Variants in UNC13C observed in about 807,000 individuals in gnomAD.
UNC13C encodes the protein unc-13 homolog C, also known as protein unc-13 homolog C.
A neutral mutation model predicts 245.4 loss-of-function variants in UNC13C; 174 were observed. The ratio of observed to expected loss-of-function variants is 0.71; its 90% confidence interval spans 0.63 to 0.80. UNC13C has a LOEUF of 0.80. Among genes scored for constraint, UNC13C ranks in the 30% least tolerant of loss-of-function variants. The pLI, the probability that UNC13C is intolerant of heterozygous loss-of-function variation, is 0.00. For synonymous variants in UNC13C, 992 were observed against 895.1 expected (o/e 1.11, Z -1.93); for missense variants, 2,829 against 2,602.9 (o/e 1.09, Z -1.89).
intron 2 of UNC13C, among the ~76,000 whole-genome samples, chr15:54,035,599 C>A (rs958728719): frequency 2.0e-5 from 3 of 152,100 alleles, no homozygotes; most frequent in African/African-American, 7.2e-5. Flanking sequence ...ATGCATGCAC[C>A]TTTGTCACTG....
intron 24 of UNC13C, among the ~76,000 whole-genome samples, chr15:54,518,275 T>C (rs1245173671): frequency 6.6e-6 from 1 of 152,008 alleles, no homozygotes; most frequent in Admixed American, 6.6e-5. Context: ...GCTGAGGAGG[T>C]TGAAAGGTTT....
In UNC13C at chr15:54,626,850, C is replaced by A. The variant is rs1439686586; in HGVS notation, c.6382C>A (p.Pro2128Thr). Residue 2128 changes from proline (P) to threonine (T), a missense_variant, in exon 33 of 33, where the codon CCA becomes ACA. By Grantham distance (38) the Pro-to-Thr change is conservative (BLOSUM62 -1). Transcript: ENST00000260323. ...FQFILGKENRPGAYELHLSVK... is the reference protein window; with the variant it reads ...FQFILGKENRTGAYELHLSVK... ...CAGCATTCTCGGAAAGGAAAATCGACCAGGGGCTTATGAACTTCATCTCTC... is the reference window on the plus strand; with the variant it reads ...CAGCATTCTCGGAAAGGAAAATCGAACAGGGGCTTATGAACTTCATCTCTC... 1.2e-6 allele frequency: 2 copies of A among 1,612,164 alleles called. No homozygotes were observed. The highest frequency in any genetic ancestry group is 2.7e-5 in the African/African-American group (2 of 74,826).
chr15:53,975,863 A>G (rs1027879736), upstream of UNC13C, among the ~76,000 whole-genome samples: 37 of 152,196 alleles, frequency 2.4e-4, no homozygotes, highest in African/African-American at 8.7e-4. Context: ...CCAACCATCT[A>G]TAAGTTTTGA....
At chr15:54,127,903 C>CTAGA (rs1374673614) in intron 2 of UNC13C, among the ~76,000 whole-genome samples, 5 of 151,118 alleles carry the variant, frequency 3.3e-5, no homozygotes, top group African/African-American at 1.2e-4. Flanking sequence ...TCAACATGTA[C>CTAGA]TAGAAGTCCT....
chr15:54,360,026 C>T (rs1301410707), intron 17 of UNC13C, among the ~76,000 whole-genome samples: 3 of 151,852 alleles, frequency 2.0e-5, no homozygotes, highest in African/African-American at 7.2e-5. Context: ...TCTGTTTTCA[C>T]TTGTCTCAAT....
the UNC13C span, among the ~76,000 whole-genome samples, chr15:53,956,966 G>A: frequency 6.6e-6 from 1 of 151,298 alleles, no homozygotes; most frequent in Non-Finnish European, 1.5e-5. Flanking sequence ...TTATAAAATA[G>A]GAGCTGCATG....
At chr15:54,513,334 C>A (rs1471229383) in intron 24 of UNC13C, among the ~76,000 whole-genome samples, 1 of 152,116 alleles carries the variant, frequency 6.6e-6, no homozygotes, top group Non-Finnish European at 1.5e-5. Flanking sequence ...TGTCATATTT[C>A]CATAAATTTA....
At chr15:54,352,211 T>A (rs2038997963) in intron 17 of UNC13C, among the ~76,000 whole-genome samples, 1 of 150,660 alleles carries the variant, frequency 6.6e-6, no homozygotes, top group South Asian at 2.1e-4. Flanking sequence ...GAAATACTGA[T>A]GTAGTTATTC....
chr15:54,044,852 T>C (rs1221813318), intron 2 of UNC13C, among the ~76,000 whole-genome samples: 2 of 152,192 alleles, frequency 1.3e-5, no homozygotes, highest in African/African-American at 4.8e-5. Context: ...GTGTGCTTAT[T>C]GGCCATTTGT....
chr15:54,476,009 G>A lies in UNC13C; in HGVS notation c.4934-18599G>A, dbSNP rs1218282037. On this transcript the variant is annotated intron_variant, in intron 19 of 32. Coordinates refer to ENST00000260323, the MANE Select transcript of UNC13C (RefSeq NM_001080534.3). ...TTTAATGATTGCCATTCTAACTGGCGTGAGATGGTATCTCATTGTGGTTTT... is the reference window on the plus strand; with the variant it reads ...TTTAATGATTGCCATTCTAACTGGCATGAGATGGTATCTCATTGTGGTTTT... 3.4e-4 allele frequency among the ~76,000 whole-genome samples: 39 copies of A among 115,566 alleles called. 8 individuals are homozygous for A. Among genetic ancestry groups the A allele is most frequent in the East Asian group, 2.5e-3 (7 of 2,756 alleles). 75.8% of individuals were successfully genotyped at this position (115,566 alleles called of 152,430 possible).
chr15:54,297,788 C>A, intron 11 of UNC13C, 23 bp from the exon 12 acceptor site: 1 of 1,517,026 alleles, frequency 6.6e-7, no homozygotes, highest in East Asian at 2.3e-5. Context: ...CATGACTGAC[C>A]AATTGCCTTT....
In UNC13C at chr15:54,145,714, C is replaced by T. The variant is rs190012105; in HGVS notation, c.3071+2030C>T. On this transcript the variant is annotated intron_variant, in intron 4 of 32. Coordinates refer to ENST00000260323, the MANE Select transcript of UNC13C (RefSeq NM_001080534.3). ...AAAATTGTTGGGACATCGTGTCATGCACCTGGAGGTTTATCTGAGTTTATG... is the reference window on the plus strand; with the variant it reads ...AAAATTGTTGGGACATCGTGTCATGTACCTGGAGGTTTATCTGAGTTTATG... 1.4e-3 allele frequency among the ~76,000 whole-genome samples: 206 copies of T among 152,310 alleles called. 1 individual carries two copies. The highest frequency in any genetic ancestry group is 4.8e-3 in the African/African-American group (201 of 41,576).
intron 4 of UNC13C, among the ~76,000 whole-genome samples, chr15:54,175,576 G>C (rs1045456090): frequency 2.0e-5 from 3 of 146,498 alleles, no homozygotes; most frequent in African/African-American, 5.1e-5. Context: ...GTAGTGGCGC[G>C]ATCTCGGCTC....
chr15:53,928,236 A>G, the UNC13C span, among the ~76,000 whole-genome samples: 1 of 152,186 alleles, frequency 6.6e-6, no homozygotes, highest in Admixed American at 6.5e-5. Context: ...AGTCATTAGC[A>G]TTGTTTCTAT....
chr15:54,049,279 G>A (rs1897173223), intron 2 of UNC13C: 2 of 525,242 alleles, frequency 3.8e-6, no homozygotes, highest in Non-Finnish European at 7.5e-6. Context: ...TGTTCTCACT[G>A]CAGGAAATTT....
intron 2 of UNC13C, among the ~76,000 whole-genome samples, chr15:54,089,440 C>T (rs1052676856): frequency 5.3e-5 from 8 of 152,054 alleles, no homozygotes; most frequent in Non-Finnish European, 1.0e-4. Flanking sequence ...TTCAATTACT[C>T]GTGTGTAGAT....
the UNC13C span, among the ~76,000 whole-genome samples, chr15:53,881,777 G>C: frequency 2.0e-5 from 3 of 152,272 alleles, no homozygotes; most frequent in South Asian, 2.1e-4. Context: ...TTTTTCAATG[G>C]CGTTCCAAGA....
chr15:53,935,185 T>C, the UNC13C span, among the ~76,000 whole-genome samples: 12 of 152,090 alleles, frequency 7.9e-5, 1 homozygote, highest in African/African-American at 2.9e-4. Context: ...CAATGGTTTC[T>C]GATTTGAGGA....
At chr15:54,054,573 T>A (rs1368485966) in intron 2 of UNC13C, among the ~76,000 whole-genome samples, 1 of 152,200 alleles carries the variant, frequency 6.6e-6, no homozygotes. Flanking sequence ...CAGCATCTAC[T>A]TGCCATTTAT....
Sources: allele counts gnomAD v4.1 joint callset (sites outside exome capture counted in the v4.1 genomes callset), GRCh38; gene constraint gnomAD v4.1.1; transcripts MANE v1.5; gene names NCBI Gene and HGNC (gene_info 2026-07-23, HGNC 2026-07-21).